Variants in ARHGAP22 observed in about 807,000 individuals in gnomAD.
ARHGAP22 encodes Rho GTPase activating protein 22, also known as rho GTPase-activating protein 22.
A neutral mutation model predicts 59.1 loss-of-function variants in ARHGAP22; 48 were observed. That is an observed-to-expected ratio of 0.81 (90% confidence interval 0.64 to 1.03). The LOEUF is 1.03. Among genes scored for constraint, ARHGAP22 ranks in the 50% least tolerant of loss-of-function variants. ARHGAP22 has a pLI of 0.00. For synonymous variants in ARHGAP22, 445 were observed against 416.4 expected (o/e 1.07, Z -0.84); for missense variants, 1,015 against 958.7 (o/e 1.06, Z -0.78).
intron 1 of ARHGAP22, among the ~76,000 whole-genome samples, chr10:48,592,997 C>T (rs1328909018): frequency 3.9e-5 from 6 of 152,240 alleles, no homozygotes; most frequent in African/African-American, 7.2e-5. Context: ...TCCTGGGGAC[C>T]GGCCACACGG....
At chr10:48,559,339 T>C (rs2057532337) in intron 2 of ARHGAP22, among the ~76,000 whole-genome samples, 1 of 152,192 alleles carries the variant, frequency 6.6e-6, no homozygotes, top group Non-Finnish European at 1.5e-5. Flanking sequence ...CATGTTAATT[T>C]GCTCTGTTAG....
intron 4 of ARHGAP22, among the ~76,000 whole-genome samples, chr10:48,464,640 C>T (rs539566035): frequency 2.0e-5 from 3 of 152,254 alleles, no homozygotes; most frequent in Admixed American, 6.5e-5. Context: ...GGAAAGTAGG[C>T]GATGTTCAAG....
At chr10:48,523,344 G>A (rs1457255087) in intron 3 of ARHGAP22, among the ~76,000 whole-genome samples, 3 of 152,222 alleles carry the variant, frequency 2.0e-5, no homozygotes, top group Non-Finnish European at 4.4e-5. Flanking sequence ...TGCAGTAAAG[G>A]GATGCACCAC....
intron 3 of ARHGAP22, among the ~76,000 whole-genome samples, chr10:48,525,076 T>C (rs554725359): frequency 3.5e-4 from 53 of 152,286 alleles, no homozygotes; most frequent in African/African-American, 1.2e-3. Context: ...CATGAGAGTG[T>C]GTTCGGTGCA....
intron 3 of ARHGAP22, among the ~76,000 whole-genome samples, chr10:48,537,089 GC>G (rs2055432406): frequency 1.3e-5 from 2 of 152,122 alleles, no homozygotes; most frequent in South Asian, 4.1e-4. Context: ...ATCTAAGAGG[GC>G]CACTTAAGTG....
chr10:48,479,014 G>A (rs1022573836), intron 4 of ARHGAP22: 1 of 152,760 alleles, frequency 6.5e-6, no homozygotes, highest in South Asian at 2.1e-4. Context: ...TCCCCACCAG[G>A]ACCCCAAGGC....
chr10:48,598,948 C>T (rs535919905), intron 1 of ARHGAP22, among the ~76,000 whole-genome samples: 3 of 152,352 alleles, frequency 2.0e-5, no homozygotes, highest in East Asian at 1.9e-4. Context: ...CCCAGCAGTG[C>T]CCCTTCCTGG....
chr10:48,609,262 C>G (rs1414503747), upstream of ARHGAP22, among the ~76,000 whole-genome samples: 1 of 152,218 alleles, frequency 6.6e-6, no homozygotes, highest in Non-Finnish European at 1.5e-5. Context: ...TCCCCTTCTT[C>G]CTGGGAACAC....
At chr10:48,504,168 C>A (rs979078542) in intron 3 of ARHGAP22, among the ~76,000 whole-genome samples, 4 of 152,110 alleles carry the variant, frequency 2.6e-5, no homozygotes, top group African/African-American at 4.8e-5. Flanking sequence ...ACTGCCAGTC[C>A]TGGGATGAAA....
chr10:48,457,021 G>A (rs1488525371), intron 5 of ARHGAP22, among the ~76,000 whole-genome samples: 1 of 152,090 alleles, frequency 6.6e-6, no homozygotes, highest in Non-Finnish European at 1.5e-5. Context: ...CAGGCGGAGG[G>A]TGGGGGCAGG....
intron 2 of ARHGAP22, among the ~76,000 whole-genome samples, chr10:48,556,048 T>C (rs1041428886): frequency 1.3e-5 from 2 of 152,188 alleles, no homozygotes; most frequent in Non-Finnish European, 1.5e-5. Context: ...ATGTACATGG[T>C]ACCCCACTAC....
intron 3 of ARHGAP22, among the ~76,000 whole-genome samples, chr10:48,535,635 C>T (rs1195433222): frequency 6.6e-6 from 1 of 152,210 alleles, no homozygotes; most frequent in East Asian, 1.9e-4. Flanking sequence ...TTGGCTGCCA[C>T]ACCGGTCCAG....
At chr10:48,442,239 T>C (rs1345934819), downstream of ARHGAP22, among the ~76,000 whole-genome samples, 1 of 152,244 alleles carries the variant, frequency 6.6e-6, no homozygotes, top group Non-Finnish European at 1.5e-5. Flanking sequence ...CTTTGTCATC[T>C]GTCCTGTGGG....
At position 48,572,215 on chromosome 10, in the gene ARHGAP22, T is replaced by C. The variant is rs374063926; in HGVS notation, c.234+10738A>G. Among the ~76,000 whole-genome samples, 6 of 152,328 alleles carry C rather than the reference T, an allele frequency of 3.9e-5. No individual in the cohort carries two copies. The East Asian group carries it at 5.8e-4, about 15-fold the overall frequency. On this transcript the variant is annotated intron_variant, in intron 2 of 9. Transcript: ENST00000249601. ...AACCAACACTTAAGTCATACACCTGTACACTTAAAGAATAAACAATGTTCT... is the reference window on the plus strand; with the variant it reads ...AACCAACACTTAAGTCATACACCTGCACACTTAAAGAATAAACAATGTTCT...
intron 3 of ARHGAP22, among the ~76,000 whole-genome samples, chr10:48,488,960 A>G (rs1332235576): frequency 6.6e-6 from 1 of 152,034 alleles, no homozygotes; most frequent in Non-Finnish European, 1.5e-5. Flanking sequence ...CTTCCTGCAT[A>G]CAGCCTGCAA....
At chr10:48,605,088 C>T (rs1039102206), upstream of ARHGAP22, 10 of 1,323,458 alleles carry the variant, frequency 7.6e-6, no homozygotes, top group African/African-American at 1.2e-4. Flanking sequence ...CAGGGCGGGG[C>T]AGTCCCTCCG....
chr10:48,503,624 C>T (rs968426825), intron 3 of ARHGAP22, among the ~76,000 whole-genome samples: 13 of 152,246 alleles, frequency 8.5e-5, no homozygotes, highest in African/African-American at 3.1e-4. Context: ...CCTTCCCTAC[C>T]ATCCCATGGT....
At chr10:48,630,157 T>C (rs1476629144) in intron 1 of ARHGAP22, among the ~76,000 whole-genome samples, 8 of 152,180 alleles carry the variant, frequency 5.3e-5, no homozygotes, top group African/African-American at 1.9e-4. Context: ...AGTGGCGCTA[T>C]CTCAGCTCAC....
In ARHGAP22 at chr10:48,468,508, A is replaced by G. The variant is rs73303053; in HGVS notation, c.452-8617T>C. On this transcript the variant is annotated intron_variant, in intron 4 of 9. Transcript: ENST00000249601. ...AAGATACAAGGAACTGCTTCTCCCC[A>G]TGTCCTACAAGAAACCAGTCCTGCT... Among the ~76,000 whole-genome samples the G allele has an allele frequency of 5.6e-3, 857 of 152,272 alleles. 6 individuals are homozygous for G. Among genetic ancestry groups the G allele is most frequent in the African/African-American group, 0.019 (805 of 41,544 alleles).
Sources: allele counts gnomAD v4.1 joint callset (sites outside exome capture counted in the v4.1 genomes callset), GRCh38; gene constraint gnomAD v4.1.1; transcripts MANE v1.5; gene names NCBI Gene and HGNC (gene_info 2026-07-23, HGNC 2026-07-21).